The following KMT5C variants were observed in gnomAD, a reference collection of about 807,000 sequenced individuals.
KMT5C encodes histone-lysine N-methyltransferase KMT5C.
Under a neutral mutation model 38.2 loss-of-function variants are expected in KMT5C, and 16 were observed. The observed-to-expected ratio is 0.42, with a 90% CI of 0.28 to 0.64. The LOEUF (loss-of-function observed/expected upper bound fraction) is 0.64. Ranked by LOEUF, KMT5C falls within the 30% of genes least tolerant of loss-of-function variation. The pLI is 0.23. For missense variants in KMT5C, 598 were observed against 665.1 expected (o/e 0.90, Z 1.11); for synonymous variants, 291 against 279.0 (o/e 1.04, Z -0.43).
chr19:55,342,962 G>A, intron 4 of KMT5C, 111 bp downstream of exon 4: 1 of 713,480 alleles, frequency 1.4e-6, no homozygotes, highest in Non-Finnish European at 2.5e-6. Context: ...GAGGGGCCTG[G>A]TCCTCCGGGC....
rs1312925993 is a variant in KMT5C, at chr19:55,342,245, C to T, written c.141C>T (p.His47=). 6.2e-7 allele frequency: 1 copy of T among 1,609,812 alleles called. No individual in the cohort carries two copies. The highest frequency in any genetic ancestry group is 2.2e-5 in the East Asian group (1 of 44,744). The change falls in exon 3 of 9, where the codon CAC becomes CAT. Residue 47 remains histidine (H), a synonymous_variant. Coordinates refer to ENST00000255613, the MANE Select transcript of KMT5C (RefSeq NM_032701.4). ...SPVPPLRRQQ[H]LRSALETFLR... ...TGCCCCCCCTGCGGCGACAGCAGCA[C>T]CTGCGCTCAGCGCTGGAAACTTTCC...
In KMT5C at chr19:55,342,951, C is replaced by T. The variant is rs181907749; in HGVS notation, c.386+100C>T. 41 of 766,430 alleles carry T rather than the reference C, an allele frequency of 5.3e-5. No homozygotes were observed. In the African/African-American group the frequency reaches 6.0e-4, roughly 11 times the overall value. The allele number at this position is 766,430 out of a possible 1,614,324, so 47.5% of individuals were successfully genotyped here. On this transcript the variant is annotated intron_variant, in intron 4 of 8. Transcript: ENST00000255613. ...CATGGACTGGCCAACCGGGGAAAAG[C>T]GAGGGGCCTGGTCCTCCGGGCATCC...
At chr19:55,344,402 T>C in intron 6 of KMT5C, 1 of 309,850 alleles carries the variant, frequency 3.2e-6, no homozygotes. Context: ...GCCCCATGTC[T>C]CCATGGCTTC....
rs778819037 is a variant in KMT5C, at chr19:55,343,668, G to A, written c.387-12G>A. 4 of 1,551,580 alleles carry A rather than the reference G, an allele frequency of 2.6e-6. No homozygotes were observed. The highest frequency in any genetic ancestry group is 1.2e-5 in the South Asian group (1 of 84,314). On this transcript the variant is annotated splice_polypyrimidine_tract_variant and intron_variant, in intron 4 of 8. Transcript: ENST00000255613. This position sits in a 1 kb window ranked among gnomAD's most constrained non-coding sequence, Gnocchi z 5.5. ...GCATCGCCCACAGCCCTGCCCCCTG[G>A]CCTCTTGGCAGGAAAAAGAATGAGA...
At chr19:55,344,992 C>T (rs989860947) in intron 6 of KMT5C, 24 of 459,222 alleles carry the variant, frequency 5.2e-5, no homozygotes, top group African/African-American at 2.6e-4. Flanking sequence ...TCAAGTGTGC[C>T]GGAGGGTTTT....
Position 55,346,653 on chromosome 19 carries a change from G to C in KMT5C, c.861G>C (p.Val287=). Residue 287 remains valine, a synonymous_variant, in exon 8 of 9, where the codon GTG becomes GTC. Transcript: ENST00000255613. Reference sequence around the variant, plus strand: ...GCCTGCTGGGCCCTCGGGCCTGCGTGCACCCATCCCCGCTGCGCCGGGACC... The same window carrying C: ...GCCTGCTGGGCCCTCGGGCCTGCGTCCACCCATCCCCGCTGCGCCGGGACC... ...RQGLLGPRAC[V]HPSPLRRDPF... The C allele has an allele frequency of 6.3e-7, 1 of 1,576,942 alleles. No homozygotes were observed.
Position 55,342,799 on chromosome 19 carries a change from A to G in KMT5C, c.334A>G (p.Thr112Ala). Reference protein sequence around the residue: ...PESGFTILPCTRYSMETNGAK... With the variant: ...PESGFTILPCARYSMETNGAK... ...AAGTGGCTTTACCATCCTGCCCTGC[A>G]CGCGCTACTCCATGGAGACCAACGG... The change falls in exon 4 of 9, where the codon ACG becomes GCG. Residue 112 changes from threonine to alanine, a missense_variant. Thr to Ala is a moderately conservative substitution (Grantham distance 58). Transcript: ENST00000255613. 1.2e-6 allele frequency: 2 copies of G among 1,613,514 alleles called. No individual in the cohort carries two copies. The highest frequency in any genetic ancestry group is 1.7e-6 in the Non-Finnish European group (2 of 1,179,628).
intron 6 of KMT5C, chr19:55,345,182 G>C: frequency 2.5e-6 from 1 of 403,870 alleles, no homozygotes; most frequent in Admixed American, 2.8e-5. Context: ...AGCCATGCTG[G>C]GCATCGACGG....
intron 8 of KMT5C, 22 bp from the exon 9 acceptor site, chr19:55,346,934 C>A: frequency 1.2e-6 from 1 of 854,876 alleles, no homozygotes; most frequent in African/African-American, 1.7e-5. Context: ...TCCTCCTCTC[C>A]CTGCCACCTG....
Position 55,342,353 on chromosome 19 carries a change from G to C in KMT5C, c.249G>C (p.Pro83=), listed in dbSNP as rs201078777. ...CCCGCTACTTCCAGAGCCGGGGCCC[G>C]CGGCAGGAGGCTGCCCTCAAGACCC... is the stretch of plus-strand genomic sequence containing the variant. ...WTARYFQSRG[P]RQEAALKTHV... Residue 83 remains proline (P), a synonymous_variant, in exon 3 of 9, where the codon CCG becomes CCC. Coordinates refer to ENST00000255613, the MANE Select transcript of KMT5C (RefSeq NM_032701.4). 1.3e-6 allele frequency: 2 copies of C among 1,541,214 alleles called. No homozygotes were observed. The highest frequency in any genetic ancestry group is 1.7e-6 in the Non-Finnish European group (2 of 1,144,342).
Position 55,343,959 on chromosome 19 carries a change from C to T in KMT5C, c.551-19C>T, listed in dbSNP as rs776099632. On this transcript the variant is annotated intron_variant, in intron 5 of 8. Coordinates refer to ENST00000255613, the MANE Select transcript of KMT5C (RefSeq NM_032701.4). This position sits in a 1 kb window ranked among gnomAD's most constrained non-coding sequence, Gnocchi z 5.5. ...AGCTCATCTACCTCTCTTCTCTCTC[C>T]TGCCCCAACTGGCTCCAGACTGCAA... 2.1e-5 allele frequency: 34 copies of T among 1,612,284 alleles called. No individual in the cohort carries two copies. Among genetic ancestry groups the T allele is most frequent in the South Asian group, 1.6e-4 (15 of 91,044 alleles).
At chr19:55,344,319 G>A (rs529000220) in intron 6 of KMT5C, 28 of 274,276 alleles carry the variant, frequency 1.0e-4, no homozygotes, top group Non-Finnish European at 4.9e-5. Flanking sequence ...CCGAGATCGC[G>A]CCACTGCACT....
chr19:55,343,286 A>G lies in KMT5C; in HGVS notation c.387-394A>G. The G allele has an allele frequency of 3.1e-6, 1 of 318,768 alleles. No individual in the cohort carries two copies. The highest frequency in any genetic ancestry group is 6.0e-6 in the Non-Finnish European group (1 of 167,008). 19.7% of individuals were successfully genotyped at this position (318,768 alleles called of 1,614,324 possible). A position where few individuals can be genotyped will look rare whatever the true frequency, so the allele number is the denominator to read the frequency against. On this transcript the variant is annotated intron_variant, in intron 4 of 8. Transcript: ENST00000255613. This position sits in a 1 kb window ranked among gnomAD's most constrained non-coding sequence, Gnocchi z 5.5. Reference sequence around the variant, plus strand: ...TACATGCTGCAGGGGAGCTGTGAGGAATGAGCAAGTGCTCCCAGGGCGAGG... The same window carrying G: ...TACATGCTGCAGGGGAGCTGTGAGGGATGAGCAAGTGCTCCCAGGGCGAGG...
At chr19:55,345,797 C>A (rs1424703279) in intron 6 of KMT5C, among the ~76,000 whole-genome samples, 1 of 152,146 alleles carries the variant, frequency 6.6e-6, no homozygotes, top group Non-Finnish European at 1.5e-5. Flanking sequence ...GAAGCGGGGG[C>A]GGCCCGCAGC....
At position 55,343,105 on chromosome 19, in the gene KMT5C, C is replaced by T. The variant is rs1223532880; in HGVS notation, c.386+254C>T. 2.1e-6 allele frequency: 1 copy of T among 468,160 alleles called. No homozygotes were observed. The highest frequency in any genetic ancestry group is 3.9e-6 in the Non-Finnish European group (1 of 253,850). The allele number at this position is 468,160 out of a possible 1,614,324, so 29.0% of individuals were successfully genotyped here. On this transcript the variant is annotated intron_variant, in intron 4 of 8. Coordinates refer to ENST00000255613, the MANE Select transcript of KMT5C (RefSeq NM_032701.4). This position sits in a 1 kb window ranked among gnomAD's most constrained non-coding sequence, Gnocchi z 5.5. The stretch of plus-strand genomic sequence containing the variant: ...AAAGAACTAGGCTTCTGGTCAGGGC[C>T]GTGCTGTCCTTACCTCCTTGTGACC...
Position 55,345,190 on chromosome 19 carries a change from C to T in KMT5C, c.571-1023C>T, listed in dbSNP as rs991667562. Reference sequence around the variant, plus strand: ...TCACAGAAGCCATGCTGGGCATCGACGGAGGAGTAGAATTTCCCTAGGTGT... The same window carrying T: ...TCACAGAAGCCATGCTGGGCATCGATGGAGGAGTAGAATTTCCCTAGGTGT... On this transcript the variant is annotated intron_variant, in intron 6 of 8. Transcript: ENST00000255613. 18 of 394,320 alleles carry T rather than the reference C, an allele frequency of 4.6e-5. 1 individual carries two copies. Among genetic ancestry groups the T allele is most frequent in the Middle Eastern group, 1.0e-3 (2 of 1,944 alleles). The allele number at this position is 394,320 out of a possible 1,614,324, so 24.4% of individuals were successfully genotyped here.
In KMT5C at chr19:55,343,070, G is replaced by A. The variant is rs1205867505; in HGVS notation, c.386+219G>A. 1.9e-6 allele frequency: 1 copy of A among 538,682 alleles called. No homozygotes were observed. Among genetic ancestry groups the A allele is most frequent in the Non-Finnish European group, 3.4e-6 (1 of 297,632 alleles). The allele number at this position is 538,682 out of a possible 1,614,324, so 33.4% of individuals were successfully genotyped here. On this transcript the variant is annotated intron_variant, in intron 4 of 8. Transcript: ENST00000255613. This position sits in a 1 kb window ranked among gnomAD's most constrained non-coding sequence, Gnocchi z 5.5. ...CCGGATGTGACCCCAGGGTTCCTGG[G>A]GCTTCCAGGAAAGAACTAGGCTTCT...
intron 1 of KMT5C, among the ~76,000 whole-genome samples, chr19:55,341,019 A>AT (rs1217009246): frequency 3.4e-4 from 51 of 151,602 alleles, no homozygotes; most frequent in Non-Finnish European, 8.8e-5. Flanking sequence ...GCCCTGCCCC[A>AT]TCTCCTCCTC....
intron 1 of KMT5C, 43 bp from the exon 2 acceptor site, chr19:55,341,751 G>T: frequency 1.7e-6 from 1 of 599,126 alleles, no homozygotes. Flanking sequence ...ATCTTCGCCA[G>T]CGGCCTGGTG....
Sources: allele counts gnomAD v4.1 joint callset (sites outside exome capture counted in the v4.1 genomes callset), GRCh38; gene constraint gnomAD v4.1.1; non-coding constraint Gnocchi (gnomAD v3.1); transcripts MANE v1.5; gene names NCBI Gene and HGNC (gene_info 2026-07-23, HGNC 2026-07-21).